The following JAKMIP3 variants were observed in gnomAD, a reference collection of about 807,000 sequenced individuals.
JAKMIP3 encodes the protein Janus kinase and microtubule interacting protein 3.
A neutral mutation model predicts 118.5 loss-of-function variants in JAKMIP3; 58 were observed. The observed-to-expected ratio is 0.49, with a 90% CI of 0.40 to 0.61. The LOEUF (loss-of-function observed/expected upper bound fraction) is 0.61. JAKMIP3 is among the 20% of genes least tolerant of loss of function. The pLI is 0.00. For synonymous variants in JAKMIP3, 486 were observed against 451.2 expected (o/e 1.08, Z -0.98); for missense variants, 950 against 1,109.0 (o/e 0.86, Z 2.04).
rs1252776956 is a variant in JAKMIP3 at position 132,118,743 on chromosome 10, A to G, written c.633+1169A>G. Among the ~76,000 whole-genome samples, 1 of 151,498 alleles carries G rather than the reference A, an allele frequency of 6.6e-6. No individual in the cohort carries two copies. The highest frequency in any genetic ancestry group is 1.5e-5 in the Non-Finnish European group (1 of 67,858). On this transcript the variant is annotated intron_variant, in intron 3 of 23. Transcript: ENST00000684848. This position sits in a 1 kb window ranked among gnomAD's most constrained non-coding sequence, Gnocchi z 4.8. ...TGGTCCCTGTTCCAACCTCCCCTAC[A>G]CCTCTTCGCCCTGTCCCAAGCCACA...
upstream of JAKMIP3, among the ~76,000 whole-genome samples, chr10:132,061,191 G>A (rs941292113): frequency 2.8e-5 from 3 of 106,934 alleles, no homozygotes; most frequent in Non-Finnish European, 6.9e-5. Context: ...CTGCCGTGAC[G>A]GCGCACACAC....
intron 1 of JAKMIP3, among the ~76,000 whole-genome samples, chr10:132,085,578 G>A (rs2042291941): frequency 6.6e-6 from 1 of 150,794 alleles, no homozygotes; most frequent in Non-Finnish European, 1.5e-5. Context: ...TTGGCTCACT[G>A]CAACCTCCGC....
In JAKMIP3 at chr10:132,168,437, T is replaced by C. The variant is rs1453723810; in HGVS notation, c.*507T>C. On this transcript the variant is annotated 3_prime_UTR_variant, in exon 23 of 24. Transcript: ENST00000684848. ...ACGGTGACCTTCATTCAGGGGAACCTGGAGGCTCCCTGGGATGGTCCTGGG... is the reference window on the plus strand; with the variant it reads ...ACGGTGACCTTCATTCAGGGGAACCCGGAGGCTCCCTGGGATGGTCCTGGG... 7.8e-7 allele frequency: 1 copy of C among 1,277,894 alleles called. No individual in the cohort carries two copies. Among genetic ancestry groups the C allele is most frequent in the Non-Finnish European group, 1.0e-6 (1 of 979,470 alleles). 79.2% of individuals were successfully genotyped at this position (1,277,894 alleles called of 1,614,324 possible).
At chr10:132,071,516 T>A (rs1385378179) in intron 1 of JAKMIP3, among the ~76,000 whole-genome samples, 1 of 152,208 alleles carries the variant, frequency 6.6e-6, no homozygotes, top group Non-Finnish European at 1.5e-5. Context: ...CCTTACCAAT[T>A]TTCTCTGCAC....
At chr10:132,086,524 A>G (rs2042419120) in intron 1 of JAKMIP3, among the ~76,000 whole-genome samples, 1 of 152,136 alleles carries the variant, frequency 6.6e-6, no homozygotes, top group South Asian at 2.1e-4. Flanking sequence ...TAATTGTCTT[A>G]TAAATTTGAG....
chr10:132,103,176 G>A (rs74161720), intron 1 of JAKMIP3, among the ~76,000 whole-genome samples: 1 of 152,080 alleles, frequency 6.6e-6, no homozygotes, highest in African/African-American at 2.4e-5. Flanking sequence ...AGAGGGAAAG[G>A]TGCTTTTTTC....
At chr10:132,066,843 C>G (rs1220002624) in intron 1 of JAKMIP3, among the ~76,000 whole-genome samples, 1 of 152,140 alleles carries the variant, frequency 6.6e-6, no homozygotes, top group African/African-American at 2.4e-5. Flanking sequence ...GGTAACTTGG[C>G]AGTACGTTGT....
chr10:132,104,777 C>T lies in JAKMIP3; in HGVS notation c.-32C>T. On this transcript the variant is annotated 5_prime_UTR_variant, in exon 2 of 24. Transcript: ENST00000684848. ...CCCAGCCCAGCCGGAGCACCCTACC[C>T]CTGGGCATCCCCCTGGCCATCCAGC... 3.9e-6 allele frequency: 6 copies of T among 1,545,044 alleles called. No homozygotes were observed. Among genetic ancestry groups the T allele is most frequent in the Non-Finnish European group, 5.2e-6 (6 of 1,143,254 alleles).
At chr10:132,072,905 T>G (rs777676631) in intron 1 of JAKMIP3, among the ~76,000 whole-genome samples, 1 of 152,042 alleles carries the variant, frequency 6.6e-6, no homozygotes, top group South Asian at 2.1e-4. Context: ...CCCTCACCCC[T>G]CCCACCCTTC....
chr10:132,140,019 G>A (rs942981744), intron 9 of JAKMIP3, among the ~76,000 whole-genome samples: 4 of 152,168 alleles, frequency 2.6e-5, no homozygotes, highest in Non-Finnish European at 5.9e-5. Context: ...ACCAGCTGGC[G>A]GAGGACCCCG....
chr10:132,103,159 A>C (rs947938660), intron 1 of JAKMIP3, among the ~76,000 whole-genome samples: 1 of 151,928 alleles, frequency 6.6e-6, no homozygotes, highest in African/African-American at 2.4e-5. Context: ...GAAGGTAAAC[A>C]AGGACAAGAG....
chr10:132,152,287 A>C (rs930749744), intron 16 of JAKMIP3, among the ~76,000 whole-genome samples: 5 of 152,310 alleles, frequency 3.3e-5, no homozygotes, highest in Middle Eastern at 3.4e-3. Flanking sequence ...AATGGCATGG[A>C]CAGGGCTTTT....
chr10:132,127,917 C>T (rs951870669), intron 3 of JAKMIP3, among the ~76,000 whole-genome samples: 3 of 152,138 alleles, frequency 2.0e-5, no homozygotes, highest in African/African-American at 7.2e-5. Flanking sequence ...CTCCATTTAC[C>T]CACTTCTCCT....
At chr10:132,099,577 G>A (rs1346414398) in intron 1 of JAKMIP3, among the ~76,000 whole-genome samples, 2 of 152,160 alleles carry the variant, frequency 1.3e-5, no homozygotes, top group African/African-American at 4.8e-5. Context: ...GGGAGGCCCT[G>A]GTGCAAACTC....
In JAKMIP3 at chr10:132,124,230, C is replaced by T. The variant is rs145982689; in HGVS notation, c.633+6656C>T. Among the ~76,000 whole-genome samples the T allele has an allele frequency of 8.5e-5, 13 of 152,354 alleles. No homozygotes were observed. In the East Asian group the frequency reaches 9.6e-4, roughly 11 times the overall value. On this transcript the variant is annotated intron_variant, in intron 3 of 23. Coordinates refer to ENST00000684848, the MANE Select transcript of JAKMIP3 (RefSeq NM_001323087.2). Reference sequence around the variant, plus strand: ...CCTTCTGCTGCTGCTTTGCCCGCCCCGGTGCGTCACAGCCGAGCCGGCCAC... The same window carrying T: ...CCTTCTGCTGCTGCTTTGCCCGCCCTGGTGCGTCACAGCCGAGCCGGCCAC...
At chr10:132,062,417 C>T (rs1190921520), upstream of JAKMIP3, among the ~76,000 whole-genome samples, 6 of 152,180 alleles carry the variant, frequency 3.9e-5, no homozygotes, top group Admixed American at 1.3e-4. Flanking sequence ...GTGCTCGTGG[C>T]AGCACCATTT....
chr10:132,157,978 T>A (rs980954806), intron 19 of JAKMIP3, among the ~76,000 whole-genome samples: 7 of 151,966 alleles, frequency 4.6e-5, no homozygotes, highest in Non-Finnish European at 1.0e-4. Flanking sequence ...TACAAAAAAA[T>A]TCCAGTGTTT....
chr10:132,170,778 G>T (rs565146151), intron 23 of JAKMIP3, among the ~76,000 whole-genome samples: 1 of 152,168 alleles, frequency 6.6e-6, no homozygotes, highest in Non-Finnish European at 1.5e-5. Flanking sequence ...GCGCCGCTCC[G>T]CTCGGGGGCT....
rs1413601453 is a variant in JAKMIP3 at position 132,161,107 on chromosome 10, G to C, written c.2221-2102G>C. On this transcript the variant is annotated intron_variant, in intron 19 of 23. Coordinates refer to ENST00000684848, the MANE Select transcript of JAKMIP3 (RefSeq NM_001323087.2). ...CCTCTTCCTGTGTGATGCTGGGGGGGGTCTATTCCTGTGTCTTATTGAGGG... is the reference window on the plus strand; with the variant it reads ...CCTCTTCCTGTGTGATGCTGGGGGGCGTCTATTCCTGTGTCTTATTGAGGG... Among the ~76,000 whole-genome samples the C allele has an allele frequency of 2.5e-4, 21 of 84,548 alleles. No homozygotes were observed. In the East Asian group the frequency reaches 4.8e-3, roughly 19 times the overall value. The allele number at this position is 84,548 out of a possible 152,430, so 55.5% of individuals were successfully genotyped here.
Sources: allele counts gnomAD v4.1 joint callset (sites outside exome capture counted in the v4.1 genomes callset), GRCh38; gene constraint gnomAD v4.1.1; non-coding constraint Gnocchi (gnomAD v3.1); transcripts MANE v1.5; gene names NCBI Gene and HGNC (gene_info 2026-07-23, HGNC 2026-07-21).